The following DOCK4 variants were observed in gnomAD, a reference collection of about 807,000 sequenced individuals.
DOCK4 encodes the protein dedicator of cytokinesis protein 4.
Under a neutral mutation model 268.1 loss-of-function variants are expected in DOCK4, and 97 were observed. The observed-to-expected ratio is 0.36, with a 90% confidence interval of 0.31 to 0.43. The LOEUF (loss-of-function observed/expected upper bound fraction) is 0.43. DOCK4 is among the 20% of genes least tolerant of loss of function. The probability of loss-of-function intolerance (pLI) is 1.00; values close to 1 mark genes in which losing one functional copy is unlikely to be tolerated. For synonymous variants in DOCK4, 954 were observed against 887.2 expected (o/e 1.08, Z -1.34); for missense variants, 2,145 against 2,455.7 (o/e 0.87, Z 2.67).
intron 1 of DOCK4, among the ~76,000 whole-genome samples, chr7:112,148,961 G>C (rs1373894875): frequency 6.6e-6 from 1 of 152,168 alleles, no homozygotes; most frequent in African/African-American, 2.4e-5. Context: ...TGATTTTCTG[G>C]AACTCAGGTG....
intron 1 of DOCK4, among the ~76,000 whole-genome samples, chr7:112,162,280 G>C (rs1216362166): frequency 6.6e-6 from 1 of 152,036 alleles, no homozygotes; most frequent in Non-Finnish European, 1.5e-5. Flanking sequence ...CTCCCCTGCA[G>C]AGCCTCCCCT....
chr7:111,908,342 G>T (rs1408192592), intron 13 of DOCK4, among the ~76,000 whole-genome samples: 1 of 151,934 alleles, frequency 6.6e-6, no homozygotes, highest in Non-Finnish European at 1.5e-5. Flanking sequence ...CAGCTACTCG[G>T]GAAGCTGAGG....
At chr7:111,822,528 GC>G (rs770815390) in intron 26 of DOCK4, 72 bp from the exon 27 acceptor site, 57 of 1,270,890 alleles carry the variant, frequency 4.5e-5, no homozygotes, top group Non-Finnish European at 6.4e-5. Context: ...ACATACACAG[GC>G]AGTACTGTTG....
chr7:111,913,408 A>ATT (rs560484859), intron 13 of DOCK4, among the ~76,000 whole-genome samples: 30 of 132,568 alleles, frequency 2.3e-4, no homozygotes, highest in South Asian at 2.4e-4. Context: ...CATCTTTACA[A>ATT]TTTTTTTTTT....
chr7:112,173,114 A>T (rs796899970), intron 1 of DOCK4, among the ~76,000 whole-genome samples: 4 of 152,370 alleles, frequency 2.6e-5, no homozygotes, highest in African/African-American at 9.6e-5. Context: ...GATACCCAGA[A>T]TCCAGTGTAA....
chr7:112,032,969 C>A (rs1803411703), intron 1 of DOCK4, among the ~76,000 whole-genome samples: 1 of 152,028 alleles, frequency 6.6e-6, no homozygotes. Context: ...ATTTAGCTAA[C>A]AAATGTAAAT....
chr7:112,075,391 G>A (rs1330808138), intron 1 of DOCK4, among the ~76,000 whole-genome samples: 1 of 152,114 alleles, frequency 6.6e-6, no homozygotes, highest in Non-Finnish European at 1.5e-5. Flanking sequence ...TGCTTTGGAT[G>A]GTGCCACACT....
intron 1 of DOCK4, among the ~76,000 whole-genome samples, chr7:112,140,770 G>A: frequency 6.6e-6 from 1 of 152,024 alleles, no homozygotes; most frequent in East Asian, 1.9e-4. Flanking sequence ...AAGGCTTTGG[G>A]AGAATTCCTT....
intron 12 of DOCK4, among the ~76,000 whole-genome samples, chr7:111,924,285 C>A (rs1003395502): frequency 6.6e-6 from 1 of 152,046 alleles, no homozygotes; most frequent in Non-Finnish European, 1.5e-5. Context: ...CACAGGGATC[C>A]CATGCATCAT....
chr7:111,925,611 T>C (rs1793542753), intron 12 of DOCK4, among the ~76,000 whole-genome samples: 2 of 152,126 alleles, frequency 1.3e-5, no homozygotes, highest in African/African-American at 4.8e-5. Context: ...AATTACATGA[T>C]GAAAGGAGCC....
At chr7:112,143,249 C>T (rs149343666) in intron 1 of DOCK4, among the ~76,000 whole-genome samples, 528 of 152,180 alleles carry the variant, frequency 3.5e-3, no homozygotes, top group African/African-American at 0.012. Flanking sequence ...CAGACGAGAC[C>T]TCCACAGCAG....
At chr7:112,080,157 A>G (rs769004060) in intron 1 of DOCK4, among the ~76,000 whole-genome samples, 2 of 152,196 alleles carry the variant, frequency 1.3e-5, no homozygotes, top group Non-Finnish European at 2.9e-5. Flanking sequence ...ATGGATTATT[A>G]GATTTTCTTA....
At chr7:111,771,508 G>A (rs762532412) in intron 36 of DOCK4, among the ~76,000 whole-genome samples, 14 of 152,080 alleles carry the variant, frequency 9.2e-5, no homozygotes, top group African/African-American at 1.9e-4. Context: ...GTTAACTGGC[G>A]GACACAGACA....
At chr7:111,861,330 T>C (rs1368862781) in intron 23 of DOCK4, among the ~76,000 whole-genome samples, 2 of 152,032 alleles carry the variant, frequency 1.3e-5, no homozygotes, top group African/African-American at 2.4e-5. Flanking sequence ...ATAAGAAATA[T>C]CTCAAAAGTC....
intron 44 of DOCK4, among the ~76,000 whole-genome samples, chr7:111,745,139 C>T (rs1017277454): frequency 6.6e-6 from 1 of 152,216 alleles, no homozygotes; most frequent in Admixed American, 6.5e-5. Context: ...ACAGATTACT[C>T]ATTCCAGTTC....
rs1374065341 is a variant in DOCK4 at position 111,726,335 on chromosome 7, A to C, written c.*1939T>G. Reference sequence around the variant, plus strand: ...TTTATAATGTGCCCAAGCACTAGTCAACAAATCTATTAAATTACACAGGAA... The same window carrying C: ...TTTATAATGTGCCCAAGCACTAGTCCACAAATCTATTAAATTACACAGGAA... On this transcript the variant is annotated 3_prime_UTR_variant, in exon 53 of 53. Coordinates refer to ENST00000428084, the MANE Select transcript of DOCK4 (RefSeq NM_001363540.2). 6.6e-6 allele frequency: 1 copy of C among 152,636 alleles called. No individual in the cohort carries two copies. Among genetic ancestry groups the C allele is most frequent in the Admixed American group, 6.5e-5 (1 of 15,288 alleles). 9.5% of individuals were successfully genotyped at this position (152,636 alleles called of 1,614,324 possible). A position where few individuals can be genotyped will look rare whatever the true frequency, so the allele number is the denominator to read the frequency against.
intron 1 of DOCK4, among the ~76,000 whole-genome samples, chr7:112,131,785 T>G (rs989673512): frequency 2.6e-5 from 4 of 152,020 alleles, no homozygotes; most frequent in African/African-American, 9.7e-5. Flanking sequence ...TGAACACTAA[T>G]GACACAAAAA....
At chr7:111,749,744 A>T (rs1178449118) in intron 42 of DOCK4, among the ~76,000 whole-genome samples, 1 of 152,236 alleles carries the variant, frequency 6.6e-6, no homozygotes, top group African/African-American at 2.4e-5. Flanking sequence ...TTCACTTAGC[A>T]TTCAAAAAAT....
At chr7:111,988,796 C>T (rs769229928) in intron 6 of DOCK4, among the ~76,000 whole-genome samples, 13 of 152,262 alleles carry the variant, frequency 8.5e-5, no homozygotes, top group Middle Eastern at 3.4e-3. Flanking sequence ...AAGCCACATA[C>T]GATACTAGAC....
Sources: allele counts gnomAD v4.1 joint callset (sites outside exome capture counted in the v4.1 genomes callset), GRCh38; gene constraint gnomAD v4.1.1; transcripts MANE v1.5; gene names NCBI Gene and HGNC (gene_info 2026-07-23, HGNC 2026-07-21).